Variants in ZBTB10 observed in about 807,000 individuals in gnomAD.
The protein encoded by ZBTB10 is zinc finger and BTB domain containing 10.
ZBTB10 carries 32 observed loss-of-function variants against 76.4 expected under a neutral mutation model. The ratio of observed to expected loss-of-function variants is 0.42; its 90% confidence interval spans 0.32 to 0.56. The LOEUF (loss-of-function observed/expected upper bound fraction) is 0.56, where lower values mean the gene tolerates loss of function less well. ZBTB10 is among the 20% of genes least tolerant of loss of function. The pLI is 0.14. For missense variants in ZBTB10, 1,057 were observed against 1,098.5 expected, an observed-to-expected ratio of 0.96 and a Z score of 0.53; for synonymous variants, 523 against 432.9, an observed-to-expected ratio of 1.21 and a Z score of -2.58.
rs753899085 is a variant in ZBTB10 at position 80,487,516 on chromosome 8, C to T, written c.706C>T (p.Leu236Phe). Reference protein sequence around the residue: ...GEGETVQHFPLARPKSLMQKL... With the variant: ...GEGETVQHFPFARPKSLMQKL... ...AGGAGAGACTGTCCAGCACTTCCCGCTCGCGCGGCCCAAGTCTCTAATGCA... is the reference window on the plus strand; with the variant it reads ...AGGAGAGACTGTCCAGCACTTCCCGTTCGCGCGGCCCAAGTCTCTAATGCA... The change falls in exon 1 of 6, where the codon CTC becomes TTC. Residue 236 changes from leucine to phenylalanine, a missense_variant. Leu to Phe is a conservative substitution (Grantham distance 22). This residue lies in a region of ZBTB10 where 556 missense variants were observed against 451.7 expected (regional missense o/e 1.23). Transcript: ENST00000455036. The T allele has an allele frequency of 4.5e-6, 7 of 1,565,544 alleles. No homozygotes were observed. In the South Asian group the frequency reaches 7.0e-5, roughly 16 times the overall value.
intron 1 of ZBTB10, among the ~76,000 whole-genome samples, chr8:80,493,543 G>A (rs541930858): frequency 3.3e-5 from 5 of 151,900 alleles, no homozygotes; most frequent in Admixed American, 2.6e-4. Flanking sequence ...TAGGCCGGGC[G>A]CGGTGGCTCA....
At chr8:80,508,445 C>T (rs1816112502) in intron 2 of ZBTB10, among the ~76,000 whole-genome samples, 3 of 152,156 alleles carry the variant, frequency 2.0e-5, no homozygotes, top group Admixed American at 2.0e-4. Flanking sequence ...TCTAAAGACA[C>T]TGAGCAATAG....
upstream of ZBTB10, chr8:80,485,764 C>T (rs894190430): frequency 1.3e-5 from 20 of 1,531,740 alleles, no homozygotes; most frequent in African/African-American, 2.8e-5. Flanking sequence ...TCCTTGGGCA[C>T]CGCCACCCAC....
At position 80,524,542 on chromosome 8, in the gene ZBTB10, A is replaced by G. The variant is rs1816512665; in HGVS notation, c.*5014A>G. On this transcript the variant is annotated 3_prime_UTR_variant, in exon 6 of 6. Transcript: ENST00000455036. ...GTAGAGAAAACATAACTAGCTTTTTAGGTTATTTCAAAGTTAGTAATAGAG... is the reference window on the plus strand; with the variant it reads ...GTAGAGAAAACATAACTAGCTTTTTGGGTTATTTCAAAGTTAGTAATAGAG... 6.6e-6 allele frequency: 1 copy of G among 152,100 alleles called. No homozygotes were observed. The highest frequency in any genetic ancestry group is 1.5e-5 in the Non-Finnish European group (1 of 67,960). The allele number at this position is 152,100 out of a possible 1,614,324, so 9.4% of individuals were successfully genotyped here. A position where few individuals can be genotyped will look rare whatever the true frequency, so the allele number is the denominator to read the frequency against.
intron 3 of ZBTB10, among the ~76,000 whole-genome samples, chr8:80,516,523 T>C (rs1447974845): frequency 6.6e-6 from 1 of 152,222 alleles, no homozygotes; most frequent in Non-Finnish European, 1.5e-5. Flanking sequence ...AGGCTACCAC[T>C]TCCGTTCCAT....
At chr8:80,519,028 C>T in intron 5 of ZBTB10, 74 bp downstream of exon 5, 1 of 1,473,996 alleles carries the variant, frequency 6.8e-7, no homozygotes, top group Non-Finnish European at 9.0e-7. Flanking sequence ...GGGATTTAAA[C>T]AGTTAATTGT....
Position 80,486,325 on chromosome 8 carries a change from C to T in ZBTB10, c.-486C>T. ...GGCGGAGCCGAGCAGTTTAGCGTGC[C>T]TCTCACCCTCAGCGCCTGCGAAGCC... On this transcript the variant is annotated 5_prime_UTR_variant, in exon 1 of 6. Transcript: ENST00000455036. The T allele has an allele frequency of 2.0e-6, 2 of 993,750 alleles. No homozygotes were observed. The highest frequency in any genetic ancestry group is 2.4e-6 in the Non-Finnish European group (2 of 835,996). 61.6% of individuals were successfully genotyped at this position (993,750 alleles called of 1,614,324 possible).
At position 80,499,791 on chromosome 8, in the gene ZBTB10, T is replaced by C; in HGVS notation, c.1270T>C (p.Leu424=). The C allele has an allele frequency of 2.5e-6, 4 of 1,614,036 alleles. No individual in the cohort carries two copies. Among genetic ancestry groups the C allele is most frequent in the African/African-American group, 1.3e-5 (1 of 75,066 alleles). Reference sequence around the variant, plus strand: ...AGGTTTTTCAGTCATCTTGGACTTCTTGTATTCTGGTAACCTGGTGCTCAC... The same window carrying C: ...AGGTTTTTCAGTCATCTTGGACTTCCTGTATTCTGGTAACCTGGTGCTCAC... ...VQGFSVILDF[L]YSGNLVLTSQ... is the part of the protein sequence containing the mutation. The change falls in exon 2 of 6, where the codon TTG becomes CTG. Residue 424 remains leucine (L), a synonymous_variant. Transcript: ENST00000455036.
Position 80,502,748 on chromosome 8 carries a change from A to G in ZBTB10, c.1861+2366A>G, listed in dbSNP as rs1563461455. Among the ~76,000 whole-genome samples, 4 of 151,952 alleles carry G rather than the reference A, an allele frequency of 2.6e-5. No homozygotes were observed. In the South Asian group the frequency reaches 8.3e-4, roughly 32 times the overall value. Reference sequence around the variant, plus strand: ...AAAGGGCTAAAACAGTAAAAAAAAAAAAGACTTTCACCTTTGTTGGTCATA... The same window carrying G: ...AAAGGGCTAAAACAGTAAAAAAAAAGAAGACTTTCACCTTTGTTGGTCATA... On this transcript the variant is annotated intron_variant, in intron 2 of 5. Coordinates refer to ENST00000455036, the MANE Select transcript of ZBTB10 (RefSeq NM_001105539.3).
At chr8:80,510,639 A>AGTGTGGGTGTGTGTGT (rs60169757) in intron 2 of ZBTB10, among the ~76,000 whole-genome samples, 2 of 125,688 alleles carry the variant, frequency 1.6e-5, no homozygotes, top group African/African-American at 6.1e-5. Flanking sequence ...TTGTGAAACC[A>AGTGTGGGTGTGTGTGT]GTGTGTGTGT....
intron 2 of ZBTB10, among the ~76,000 whole-genome samples, chr8:80,502,378 G>A (rs1815946440): frequency 6.6e-6 from 1 of 152,078 alleles, no homozygotes; most frequent in African/African-American, 2.4e-5. Context: ...TGGGATTACA[G>A]GCACATGCCA....
intron 4 of ZBTB10, 71 bp downstream of exon 4, chr8:80,518,650 C>G (rs1475236812): frequency 4.7e-6 from 7 of 1,488,904 alleles, no homozygotes; most frequent in Non-Finnish European, 6.2e-6. Flanking sequence ...CTTTCATGTT[C>G]TGCATTTTTT....
chr8:80,519,055 G>T, intron 5 of ZBTB10, 101 bp downstream of exon 5: 1 of 1,434,016 alleles, frequency 7.0e-7, no homozygotes, highest in South Asian at 1.5e-5. Flanking sequence ...AAGGAAGATT[G>T]TCTCCTAAAT....
chr8:80,489,541 A>G (rs558512856), intron 1 of ZBTB10, among the ~76,000 whole-genome samples: 1 of 152,308 alleles, frequency 6.6e-6, no homozygotes, highest in East Asian at 1.9e-4. Flanking sequence ...TCTGAATGGG[A>G]ATGCAAATTA....
chr8:80,505,627 G>A (rs879463578), intron 2 of ZBTB10, among the ~76,000 whole-genome samples: 1 of 152,074 alleles, frequency 6.6e-6, no homozygotes, highest in Admixed American at 6.6e-5. Context: ...TTTAAGCTTT[G>A]CACTTATTTG....
chr8:80,512,185 A>AT (rs1179562952), intron 2 of ZBTB10, among the ~76,000 whole-genome samples: 2 of 152,044 alleles, frequency 1.3e-5, no homozygotes, highest in African/African-American at 4.8e-5. Context: ...CATTCTACTA[A>AT]TTTCACCTTA....
At chr8:80,498,234 CT>C (rs1563459359) in intron 1 of ZBTB10, among the ~76,000 whole-genome samples, 1 of 152,198 alleles carries the variant, frequency 6.6e-6, no homozygotes, top group African/African-American at 2.4e-5. Flanking sequence ...ACCACTAACT[CT>C]CTTCTAAGCA....
intron 1 of ZBTB10, among the ~76,000 whole-genome samples, chr8:80,493,999 A>G (rs1032604228): frequency 3.3e-5 from 5 of 152,216 alleles, no homozygotes; most frequent in African/African-American, 1.2e-4. Flanking sequence ...TTCTCTACCA[A>G]CTGTTATGAT....
chr8:80,487,526 C>T lies in ZBTB10; in HGVS notation c.716C>T (p.Pro239Leu). ...ETVQHFPLARPKSLMQKLQCS... is the reference protein window; with the variant it reads ...ETVQHFPLARLKSLMQKLQCS... ...GTCCAGCACTTCCCGCTCGCGCGGC[C>T]CAAGTCTCTAATGCAGAAGCTCCAA... is the stretch of plus-strand genomic sequence containing the variant. The change falls in exon 1 of 6, where the codon CCC becomes CTC. Residue 239 changes from proline (P) to leucine (L), a missense_variant. By Grantham distance (98) the Pro-to-Leu change is moderately conservative. Transcript: ENST00000455036. The T allele has an allele frequency of 6.3e-7, 1 of 1,576,386 alleles. No individual in the cohort carries two copies. Among genetic ancestry groups the T allele is most frequent in the Non-Finnish European group, 8.6e-7 (1 of 1,160,896 alleles).
Sources: gnomAD v4.1 joint callset for allele counts (sites outside exome capture counted in the v4.1 genomes callset) on GRCh38, gnomAD v4.1.1 for gene constraint, gnomAD v4.1.1 regional missense constraint, MANE v1.5 for transcripts, NCBI Gene and HGNC (gene_info 2026-07-23, HGNC 2026-07-21) for gene names.